The following WDR70 variants were observed in gnomAD, a reference collection of about 807,000 sequenced individuals.
The protein encoded by WDR70 is WD repeat domain 70.
Under a neutral mutation model 88.6 loss-of-function variants are expected in WDR70, and 53 were observed. That is an observed-to-expected ratio of 0.60 (90% CI 0.48 to 0.75). The LOEUF (loss-of-function observed/expected upper bound fraction) is 0.75, where lower values mean the gene tolerates loss of function less well. Among genes scored for constraint, WDR70 ranks in the 30% least tolerant of loss-of-function variants. The probability of loss-of-function intolerance (pLI) is 0.00; values close to 1 mark genes in which losing one functional copy is unlikely to be tolerated. For missense variants in WDR70, 610 were observed against 823.2 expected (o/e 0.74, Z 3.17); for synonymous variants, 280 against 270.0 (o/e 1.04, Z -0.36).
chr5:37,409,757 C>T (rs1009866668), intron 5 of WDR70, among the ~76,000 whole-genome samples: 13 of 152,062 alleles, frequency 8.5e-5, no homozygotes, highest in African/African-American at 2.2e-4. Flanking sequence ...CCACCCACCT[C>T]GGCCTCCCAA....
At chr5:37,386,017 G>A (rs1242475586) in intron 3 of WDR70, among the ~76,000 whole-genome samples, 1 of 147,118 alleles carries the variant, frequency 6.8e-6, no homozygotes, top group Non-Finnish European at 1.5e-5. Context: ...GTTTCACCCT[G>A]TTAGCCAGGA....
intron 9 of WDR70, among the ~76,000 whole-genome samples, chr5:37,571,713 T>C (rs1468089033): frequency 6.6e-6 from 1 of 151,290 alleles, no homozygotes; most frequent in Non-Finnish European, 1.5e-5. Context: ...GTTGTAACTT[T>C]GAAAATTGGC....
At chr5:37,669,179 G>A (rs1020272540) in intron 10 of WDR70, among the ~76,000 whole-genome samples, 5 of 152,080 alleles carry the variant, frequency 3.3e-5, no homozygotes, top group Non-Finnish European at 4.4e-5. Flanking sequence ...TCAGTGTTGT[G>A]TGTATAACAG....
At chr5:37,583,928 A>G (rs370672410) in intron 9 of WDR70, among the ~76,000 whole-genome samples, 279 of 152,308 alleles carry the variant, frequency 1.8e-3, no homozygotes, top group African/African-American at 6.4e-3. Context: ...TGCTTGAACC[A>G]ACAATATTGA....
At chr5:37,657,865 C>T (rs1402191216) in intron 10 of WDR70, among the ~76,000 whole-genome samples, 1 of 152,198 alleles carries the variant, frequency 6.6e-6, no homozygotes, top group Admixed American at 6.5e-5. Context: ...TTTCCTTCCT[C>T]CATACTTTTG....
intron 10 of WDR70, among the ~76,000 whole-genome samples, chr5:37,652,658 C>G (rs1745441697): frequency 6.6e-6 from 1 of 152,140 alleles, no homozygotes; most frequent in African/African-American, 2.4e-5. Flanking sequence ...TCCTTCACAT[C>G]CCTTGTAAGT....
intron 7 of WDR70, among the ~76,000 whole-genome samples, chr5:37,447,599 A>G (rs1229833040): frequency 2.0e-5 from 3 of 152,228 alleles, no homozygotes; most frequent in African/African-American, 7.2e-5. Context: ...ATGGAATACT[A>G]TGCAGCCATA....
chr5:37,540,011 A>G (rs980526179), intron 9 of WDR70, among the ~76,000 whole-genome samples: 3 of 152,228 alleles, frequency 2.0e-5, no homozygotes, highest in African/African-American at 7.2e-5. Flanking sequence ...GTGTTTGATT[A>G]TGAAAAATGA....
At chr5:37,652,353 A>C (rs1745434080) in intron 10 of WDR70, among the ~76,000 whole-genome samples, 1 of 152,212 alleles carries the variant, frequency 6.6e-6, no homozygotes. Context: ...CTTGTAGTGT[A>C]GTTTGAAGTC....
intron 10 of WDR70, among the ~76,000 whole-genome samples, chr5:37,673,584 C>CCCCA (rs1746095778): frequency 9.7e-5 from 1 of 10,356 alleles, no homozygotes; most frequent in Admixed American, 1.2e-3. Context: ...ACTTTTCTTA[C>CCCCA]CCCCCCCCCA....
At chr5:37,406,354 C>T (rs1476684019) in intron 5 of WDR70, among the ~76,000 whole-genome samples, 1 of 152,196 alleles carries the variant, frequency 6.6e-6, no homozygotes, top group Non-Finnish European at 1.5e-5. Context: ...TGTTAGTAGC[C>T]ACTAAAGTCT....
chr5:37,545,716 G>T (rs1026138750), intron 9 of WDR70, among the ~76,000 whole-genome samples: 1 of 151,740 alleles, frequency 6.6e-6, no homozygotes, highest in African/African-American at 2.4e-5. Flanking sequence ...TAGAGACAGG[G>T]TTTCACCATG....
chr5:37,537,681 TA>T (rs1388620864), intron 9 of WDR70, among the ~76,000 whole-genome samples: 10 of 152,132 alleles, frequency 6.6e-5, no homozygotes, highest in Non-Finnish European at 1.3e-4. Context: ...AACTCTGGAT[TA>T]ACAGGATAAA....
At chr5:37,677,196 C>T (rs1746254733) in intron 10 of WDR70, among the ~76,000 whole-genome samples, 1 of 152,040 alleles carries the variant, frequency 6.6e-6, no homozygotes, top group Non-Finnish European at 1.5e-5. Flanking sequence ...CTCCTGGATT[C>T]ATTAATTTTT....
At chr5:37,729,405 GT>G (rs1486069912) in intron 17 of WDR70, among the ~76,000 whole-genome samples, 12 of 152,162 alleles carry the variant, frequency 7.9e-5, no homozygotes, top group Non-Finnish European at 1.6e-4. Flanking sequence ...TCAATCTGTA[GT>G]TATATTTGTA....
chr5:37,583,243 C>T (rs1050977386), intron 9 of WDR70, among the ~76,000 whole-genome samples: 23 of 152,036 alleles, frequency 1.5e-4, no homozygotes, highest in East Asian at 1.2e-3. Flanking sequence ...CGGCTAACAC[C>T]GTGAAACCCC....
At position 37,487,627 on chromosome 5, in the gene WDR70, A is replaced by ATTT. The variant is rs70978825; in HGVS notation, c.840+7655_840+7657dup. ...TATATATATATATATATATATATGT[A>ATTT]TTTTTTTTTTTTTTTTTGAGAGGGT... On this transcript the variant is annotated intron_variant, in intron 8 of 17. Coordinates refer to ENST00000265107, the MANE Select transcript of WDR70 (RefSeq NM_018034.4). Among the ~76,000 whole-genome samples, 29 of 69,034 alleles carry ATTT rather than the reference A, an allele frequency of 4.2e-4. 1 individual carries two copies. The highest frequency in any genetic ancestry group is 1.1e-3 in the African/African-American group (23 of 20,100). 45.3% of individuals were successfully genotyped at this position (69,034 alleles called of 152,430 possible).
At chr5:37,677,105 T>A (rs1581487020) in intron 10 of WDR70, among the ~76,000 whole-genome samples, 1 of 152,304 alleles carries the variant, frequency 6.6e-6, no homozygotes, top group Admixed American at 6.5e-5. Flanking sequence ...TTTTATTGCA[T>A]CTATTTGATT....
At chr5:37,441,143 A>G (rs1257357526) in intron 6 of WDR70, among the ~76,000 whole-genome samples, 1 of 152,224 alleles carries the variant, frequency 6.6e-6, no homozygotes, top group African/African-American at 2.4e-5. Flanking sequence ...TTAAATTGTA[A>G]CAGGAGGGAA....
Sources: allele counts gnomAD v4.1 joint callset (sites outside exome capture counted in the v4.1 genomes callset), GRCh38; gene constraint gnomAD v4.1.1; transcripts MANE v1.5; gene names NCBI Gene and HGNC (gene_info 2026-07-23, HGNC 2026-07-21).